The following HSPA9 variants were observed in gnomAD, a reference collection of about 807,000 sequenced individuals.
HSPA9 encodes the protein stress-70 protein, mitochondrial.
Under a neutral mutation model 81.5 loss-of-function variants are expected in HSPA9, and 28 were observed. The ratio of observed to expected loss-of-function variants is 0.34; its 90% confidence interval spans 0.25 to 0.47. HSPA9 has a LOEUF of 0.47. HSPA9 is among the 20% of genes least tolerant of loss of function. HSPA9 has a pLI of 1.00. For missense variants in HSPA9, 678 were observed against 838.0 expected (o/e 0.81, Z 2.36); for synonymous variants, 293 against 290.4 (o/e 1.01, Z -0.09).
chr5:138,555,325 A>G lies in HSPA9; in HGVS notation c.*712T>C, dbSNP rs1201334618. ...TAAATCTCAGGGCATCACCCCTCAC[A>G]AACAAGAGATCAAGATGCTTTCTGT... On this transcript the variant is annotated 3_prime_UTR_variant, in exon 17 of 17. Coordinates refer to ENST00000297185, the MANE Select transcript of HSPA9 (RefSeq NM_004134.7). 1 of 152,118 alleles carries G rather than the reference A, an allele frequency of 6.6e-6. No individual in the cohort carries two copies. The highest frequency in any genetic ancestry group is 6.6e-5 in the Admixed American group (1 of 15,250). The allele number at this position is 152,118 out of a possible 1,614,324, so 9.4% of individuals were successfully genotyped here.
chr5:138,570,302 C>T (rs1054266698), intron 4 of HSPA9, among the ~76,000 whole-genome samples: 8 of 152,050 alleles, frequency 5.3e-5, no homozygotes, highest in African/African-American at 1.5e-4. Flanking sequence ...TAGTGAGCCC[C>T]GTTTCTATTG....
chr5:138,561,697 G>A lies in HSPA9; in HGVS notation c.1065C>T (p.Val355=). 6.2e-7 allele frequency: 1 copy of A among 1,614,072 alleles called. No homozygotes were observed. The highest frequency in any genetic ancestry group is 8.5e-7 in the Non-Finnish European group (1 of 1,179,968). ...CGATAGTCCTTCTGATTAGATCAGT[G>A]ACAATCCCTTCAAATTGAGCACGGG... is the stretch of plus-strand genomic sequence containing the variant. ...KLTRAQFEGI[V]TDLIRRTIAP... Residue 355 remains valine (V), a synonymous_variant, in exon 10 of 17, where the codon GTC becomes GTT. Transcript: ENST00000297185.
chr5:138,570,033 G>A (rs922089173), intron 4 of HSPA9, among the ~76,000 whole-genome samples: 3 of 151,980 alleles, frequency 2.0e-5, no homozygotes, highest in Non-Finnish European at 2.9e-5. Context: ...GCGCACCACC[G>A]AGCTTGGCTC....
At chr5:138,574,039 C>T (rs766811593) in intron 2 of HSPA9, 29 bp downstream of exon 2, 10 of 1,564,110 alleles carry the variant, frequency 6.4e-6, no homozygotes, top group East Asian at 2.2e-5. Flanking sequence ...ATATGTATTC[C>T]CTCTCAAAGG....
intron 9 of HSPA9, among the ~76,000 whole-genome samples, chr5:138,562,755 T>C (rs1385288837): frequency 6.6e-6 from 1 of 152,166 alleles, no homozygotes; most frequent in Non-Finnish European, 1.5e-5. Flanking sequence ...AAATATCCCA[T>C]GTAGGTGAAG....
intron 3 of HSPA9, among the ~76,000 whole-genome samples, chr5:138,572,084 G>A (rs1256111973): frequency 6.7e-6 from 1 of 149,720 alleles, no homozygotes; most frequent in Non-Finnish European, 1.5e-5. Context: ...AGCCTCCAGA[G>A]TAGCTGGGAC....
chr5:138,567,756 G>GT, intron 5 of HSPA9, 34 bp from the exon 6 acceptor site: 1 of 1,495,560 alleles, frequency 6.7e-7, no homozygotes, highest in Non-Finnish European at 9.3e-7. Flanking sequence ...ATGGAATTCT[G>GT]TCAGAACAGA....
At position 138,554,732 on chromosome 5, in the gene HSPA9, A is replaced by T. The variant is rs1750483980; in HGVS notation, c.*1305T>A. 6.6e-6 allele frequency: 1 copy of T among 152,244 alleles called. No homozygotes were observed. Among genetic ancestry groups the T allele is most frequent in the Admixed American group, 6.5e-5 (1 of 15,278 alleles). 9.4% of individuals were successfully genotyped at this position (152,244 alleles called of 1,614,324 possible). ...ATATGACATTCATCCATGAAACATA[A>T]GGGAAATGTGCTGGAAGACTTTTGG... On this transcript the variant is annotated 3_prime_UTR_variant, in exon 17 of 17. Transcript: ENST00000297185.
intron 5 of HSPA9, among the ~76,000 whole-genome samples, chr5:138,568,031 C>T (rs547063897): frequency 6.6e-6 from 1 of 151,864 alleles, no homozygotes; most frequent in East Asian, 1.9e-4. Context: ...ACTAAAAATA[C>T]AAAATTATTC....
intron 1 of HSPA9, among the ~76,000 whole-genome samples, chr5:138,574,475 A>C (rs41294560): frequency 3.7e-4 from 57 of 152,362 alleles, no homozygotes; most frequent in Non-Finnish European, 6.5e-4. Context: ...ACATTGCCAG[A>C]TGTCCCCTGG....
At chr5:138,561,090 G>A (rs1187875091) in intron 10 of HSPA9, 1 of 495,488 alleles carries the variant, frequency 2.0e-6, no homozygotes, top group South Asian at 1.4e-5. Flanking sequence ...ATGATGTGTT[G>A]AATAAAATAC....
intron 10 of HSPA9, chr5:138,560,939 C>T: frequency 2.6e-6 from 1 of 378,018 alleles, no homozygotes; most frequent in South Asian, 1.9e-5. Flanking sequence ...TTCCTTAAGG[C>T]CATGTATTTC....
Position 138,553,848 on chromosome 5 carries a change from A to T in HSPA9, c.*2189T>A, listed in dbSNP as rs255998. Among the ~76,000 whole-genome samples, 8,382 of 152,286 alleles carry T rather than the reference A, an allele frequency of 0.055. 292 individuals carry two copies. Among genetic ancestry groups the T allele is most frequent in the African/African-American group, 0.1 (4,166 of 41,546 alleles). On this transcript the variant is annotated 3_prime_UTR_variant, in exon 17 of 17. Coordinates refer to ENST00000297185, the MANE Select transcript of HSPA9 (RefSeq NM_004134.7). Reference sequence around the variant, plus strand: ...CATTTGTCTCTCTCCAGAAGAGATTAGTATTGAATTGGAGATTGCTCTGCT... The same window carrying T: ...CATTTGTCTCTCTCCAGAAGAGATTTGTATTGAATTGGAGATTGCTCTGCT...
intron 1 of HSPA9, 149 bp from the exon 2 acceptor site, chr5:138,574,275 TAAATA>T (rs1413303664): frequency 1.5e-6 from 1 of 678,070 alleles, no homozygotes; most frequent in African/African-American, 1.8e-5. Context: ...CGAAAAAAGG[TAAATA>T]AAAGATGGCC....
chr5:138,560,209 G>C lies in HSPA9; in HGVS notation c.1183-118C>G, dbSNP rs148431123. ...TCTCAAGACAGGCTAACTCAAATCTGAGAATGTTTATTCAAATAACCATTT... is the reference window on the plus strand; with the variant it reads ...TCTCAAGACAGGCTAACTCAAATCTCAGAATGTTTATTCAAATAACCATTT... On this transcript the variant is annotated intron_variant, in intron 10 of 16. Coordinates refer to ENST00000297185, the MANE Select transcript of HSPA9 (RefSeq NM_004134.7). 1,273 of 747,898 alleles carry C rather than the reference G, an allele frequency of 1.7e-3. 13 individuals are homozygous for C. In the African/African-American group the frequency reaches 0.019, roughly 11 times the overall value. The allele number at this position is 747,898 out of a possible 1,614,324, so 46.3% of individuals were successfully genotyped here. A position where few individuals can be genotyped will look rare whatever the true frequency, so the allele number is the denominator to read the frequency against.
rs776724699 is a variant in HSPA9 at position 138,556,103 on chromosome 5, C to T, written c.1974G>A (p.Glu658=). 1.2e-6 allele frequency: 2 copies of T among 1,613,450 alleles called. No individual in the cohort carries two copies. The highest frequency in any genetic ancestry group is 8.5e-7 in the Non-Finnish European group (1 of 1,179,562). Residue 658 remains glutamate (E), a synonymous_variant, in exon 17 of 17, where the codon GAG becomes GAA. Transcript: ENST00000297185. ...TGCCAGAACTTCCAGAGCCTTCTCG[C>T]TCAGATGCCATCTGTTAAGAAAACA... ...FEMAYKKMAS[E]REGSGSSGTG... is the part of the protein sequence containing the mutation.
intron 3 of HSPA9, 137 bp downstream of exon 3, chr5:138,573,626 T>C: frequency 1.7e-6 from 1 of 602,204 alleles, no homozygotes. Flanking sequence ...CACCATGGGC[T>C]ATAGAGACTG....
intron 10 of HSPA9, among the ~76,000 whole-genome samples, 183 bp downstream of exon 10, chr5:138,561,397 C>T (rs939898890): frequency 6.6e-6 from 1 of 152,176 alleles, no homozygotes; most frequent in Non-Finnish European, 1.5e-5. Flanking sequence ...GCGTGAACCA[C>T]CATGCCCAGC....
chr5:138,563,000 TGA>T (rs1341717175), intron 9 of HSPA9, among the ~76,000 whole-genome samples: 4 of 152,230 alleles, frequency 2.6e-5, no homozygotes, highest in Non-Finnish European at 5.9e-5. Flanking sequence ...AGTGTGTAAC[TGA>T]GAGTGAGTCC....
Sources: allele counts gnomAD v4.1 joint callset (sites outside exome capture counted in the v4.1 genomes callset), GRCh38; gene constraint gnomAD v4.1.1; transcripts MANE v1.5; gene names NCBI Gene and HGNC (gene_info 2026-07-23, HGNC 2026-07-21).